The following XRCC4 variants were observed in gnomAD, a reference collection of about 807,000 sequenced individuals.
The protein encoded by XRCC4 is DNA repair protein XRCC4.
XRCC4 carries 28 observed loss-of-function variants against 39.1 expected under a neutral mutation model. That is an observed-to-expected ratio of 0.72 (90% CI 0.53 to 0.98). XRCC4 has a LOEUF of 0.98. XRCC4 is among the 50% of genes least tolerant of loss of function. The pLI is 0.00. For synonymous variants in XRCC4, 123 were observed against 126.4 expected, an observed-to-expected ratio of 0.97 and a Z score of 0.18; for missense variants, 350 against 376.4, an observed-to-expected ratio of 0.93 and a Z score of 0.58.
intron 3 of XRCC4, among the ~76,000 whole-genome samples, chr5:83,127,973 CATT>C (rs1747358356): frequency 6.7e-6 from 1 of 149,568 alleles, no homozygotes; most frequent in African/African-American, 2.5e-5. Context: ...AGTCATCTGT[CATT>C]TATTTATTTA....
At chr5:83,372,627 G>T in the XRCC4 span, among the ~76,000 whole-genome samples, 6 of 152,150 alleles carry the variant, frequency 3.9e-5, no homozygotes, top group Non-Finnish European at 8.8e-5. Flanking sequence ...TGTAGTTGAG[G>T]TGATGAATAA....
chr5:83,174,479 T>A (rs139578148), intron 3 of XRCC4, among the ~76,000 whole-genome samples: 1 of 152,216 alleles, frequency 6.6e-6, no homozygotes, highest in African/African-American at 2.4e-5. Context: ...TAGGAATTTA[T>A]ACTTTAGCAC....
chr5:83,254,514 C>A (rs565464244), intron 6 of XRCC4, among the ~76,000 whole-genome samples: 5 of 152,090 alleles, frequency 3.3e-5, no homozygotes, highest in African/African-American at 1.2e-4. Flanking sequence ...CAATGAGATG[C>A]CAGACTTGAA....
At chr5:83,323,621 G>T (rs566058899) in intron 7 of XRCC4, among the ~76,000 whole-genome samples, 4 of 151,354 alleles carry the variant, frequency 2.6e-5, no homozygotes, top group Non-Finnish European at 5.9e-5. Flanking sequence ...TTTTTGCTTA[G>T]ATGTTTTTGG....
At chr5:83,082,603 T>A (rs7718472) in intron 1 of XRCC4, among the ~76,000 whole-genome samples, 13 of 152,052 alleles carry the variant, frequency 8.5e-5, no homozygotes, top group African/African-American at 2.7e-4. Context: ...GCTAACAGCC[T>A]TACGTTGGCC....
intron 3 of XRCC4, among the ~76,000 whole-genome samples, chr5:83,156,037 T>A (rs1748943676): frequency 6.6e-6 from 1 of 152,050 alleles, no homozygotes; most frequent in South Asian, 2.1e-4. Flanking sequence ...TTAATTTAAA[T>A]CTTTACATTC....
chr5:83,146,869 G>C (rs1478943775), intron 3 of XRCC4, among the ~76,000 whole-genome samples: 1 of 152,120 alleles, frequency 6.6e-6, no homozygotes, highest in African/African-American at 2.4e-5. Context: ...TTGTGATTTT[G>C]TCCACAGGAA....
chr5:83,332,322 T>C (rs1275029048), intron 7 of XRCC4, among the ~76,000 whole-genome samples: 4 of 151,756 alleles, frequency 2.6e-5, no homozygotes, highest in African/African-American at 9.7e-5. Context: ...GAACGTAATA[T>C]AAATATTTCA....
intron 6 of XRCC4, among the ~76,000 whole-genome samples, chr5:83,214,773 C>T (rs1410423421): frequency 6.7e-6 from 1 of 150,322 alleles, no homozygotes; most frequent in Admixed American, 6.7e-5. Flanking sequence ...GGAGGCAGAG[C>T]TTGCAATGAG....
chr5:83,268,282 T>G (rs1754023704), intron 7 of XRCC4, among the ~76,000 whole-genome samples: 1 of 152,128 alleles, frequency 6.6e-6, no homozygotes, highest in Admixed American at 6.6e-5. Flanking sequence ...GTAAACTTAG[T>G]CTTTACCAAA....
At chr5:83,362,793 T>C in the XRCC4 span, among the ~76,000 whole-genome samples, 1 of 152,206 alleles carries the variant, frequency 6.6e-6, no homozygotes, top group Non-Finnish European at 1.5e-5. Flanking sequence ...TATTATTCTC[T>C]GTATCAATAA....
intron 7 of XRCC4, among the ~76,000 whole-genome samples, chr5:83,284,171 C>T (rs1307061822): frequency 1.3e-5 from 2 of 148,660 alleles, no homozygotes; most frequent in Admixed American, 1.4e-4. Flanking sequence ...TGATCCTATT[C>T]ATGAAAAAAC....
At chr5:83,296,528 A>T (rs994788471) in intron 7 of XRCC4, among the ~76,000 whole-genome samples, 1 of 152,156 alleles carries the variant, frequency 6.6e-6, no homozygotes, top group Non-Finnish European at 1.5e-5. Context: ...TATTTCCCCT[A>T]AATTTAAATC....
chr5:83,200,072 T>G (rs1751119463), intron 4 of XRCC4, among the ~76,000 whole-genome samples: 1 of 152,158 alleles, frequency 6.6e-6, no homozygotes, highest in Non-Finnish European at 1.5e-5. Context: ...GTCCAATTTC[T>G]TGAGGCATAA....
At chr5:83,165,931 G>C (rs1256799519) in intron 3 of XRCC4, among the ~76,000 whole-genome samples, 1 of 144,178 alleles carries the variant, frequency 6.9e-6, no homozygotes, top group East Asian at 2.0e-4. Context: ...TGTTTCCCAG[G>C]CTGGAGTGCA....
At chr5:83,365,291 T>C in the XRCC4 span, among the ~76,000 whole-genome samples, 1 of 152,168 alleles carries the variant, frequency 6.6e-6, no homozygotes, top group East Asian at 1.9e-4. Context: ...GGTGGTATTT[T>C]TTAAGTAGGA....
chr5:83,079,189 AT>A (rs1334719727), intron 1 of XRCC4, among the ~76,000 whole-genome samples: 5 of 152,238 alleles, frequency 3.3e-5, no homozygotes, highest in African/African-American at 1.2e-4. Flanking sequence ...ATGACTTCTT[AT>A]GTACCTGAGC....
chr5:83,218,371 T>C (rs1452289831), intron 6 of XRCC4, among the ~76,000 whole-genome samples: 1 of 151,700 alleles, frequency 6.6e-6, no homozygotes, highest in Non-Finnish European at 1.5e-5. Flanking sequence ...ATGTGAGAAA[T>C]CCTGTGTTAG....
At chr5:83,321,021 G>C (rs1203674087) in intron 7 of XRCC4, among the ~76,000 whole-genome samples, 1 of 151,930 alleles carries the variant, frequency 6.6e-6, no homozygotes, top group African/African-American at 2.4e-5. Context: ...ACATTGGCCA[G>C]GCTGGTCTGG....
Sources: gnomAD v4.1 joint callset for allele counts (sites outside exome capture counted in the v4.1 genomes callset) on GRCh38, gnomAD v4.1.1 for gene constraint, MANE v1.5 for transcripts, NCBI Gene and HGNC (gene_info 2026-07-23, HGNC 2026-07-21) for gene names.